The following NCKAP5 variants were observed in gnomAD, a reference collection of about 807,000 sequenced individuals.
NCKAP5 encodes nck-associated protein 5.
NCKAP5 carries 92 observed loss-of-function variants against 167.0 expected under a neutral mutation model. That is an observed-to-expected ratio of 0.55 (90% confidence interval 0.47 to 0.66). The LOEUF is 0.66. Ranked by LOEUF, NCKAP5 falls within the 30% of genes least tolerant of loss-of-function variation. NCKAP5 has a pLI of 0.00. For missense variants in NCKAP5, 2,378 were observed against 2,315.0 expected (o/e 1.03, Z -0.56); for synonymous variants, 891 against 877.4 (o/e 1.02, Z -0.27).
intron 16 of NCKAP5, among the ~76,000 whole-genome samples, chr2:132,768,740 C>A (rs1343589077): frequency 1.3e-5 from 2 of 149,860 alleles, no homozygotes; most frequent in African/African-American, 2.5e-5. Flanking sequence ...CCCAGGTTCA[C>A]GCCATTCTCC....
the NCKAP5 span, among the ~76,000 whole-genome samples, chr2:133,652,618 A>G: frequency 3.9e-5 from 6 of 152,230 alleles, no homozygotes; most frequent in African/African-American, 1.4e-4. Flanking sequence ...TGCTTTATAT[A>G]GCTGTCAAGC....
intron 19 of NCKAP5, among the ~76,000 whole-genome samples, chr2:132,694,560 A>C (rs534136568): frequency 1.7e-4 from 26 of 152,326 alleles, no homozygotes; most frequent in African/African-American, 5.8e-4. Context: ...TAGGCCCAGG[A>C]TTCGATTCCC....
At chr2:132,797,656 T>C (rs1684713656) in intron 11 of NCKAP5, among the ~76,000 whole-genome samples, 1 of 152,224 alleles carries the variant, frequency 6.6e-6, no homozygotes, top group South Asian at 2.1e-4. Flanking sequence ...TTTTTCTCCC[T>C]GGAGAGGCCC....
chr2:133,191,268 A>C (rs1227145765), intron 5 of NCKAP5, among the ~76,000 whole-genome samples: 1 of 152,162 alleles, frequency 6.6e-6, no homozygotes, highest in African/African-American at 2.4e-5. Flanking sequence ...AAAAGTCAGG[A>C]AACAACAGGT....
At chr2:132,806,743 TC>T (rs1168326298) in intron 11 of NCKAP5, among the ~76,000 whole-genome samples, 1 of 152,240 alleles carries the variant, frequency 6.6e-6, no homozygotes, top group Non-Finnish European at 1.5e-5. Flanking sequence ...TGCTGACTGT[TC>T]CTTTTGCTGT....
intron 3 of NCKAP5, among the ~76,000 whole-genome samples, chr2:133,365,611 G>C (rs887861618): frequency 8.6e-5 from 13 of 151,990 alleles, no homozygotes; most frequent in African/African-American, 1.5e-4. Flanking sequence ...TGAAAATAAG[G>C]GTTGTTAATT....
chr2:132,724,641 C>A (rs1305189841), intron 19 of NCKAP5, among the ~76,000 whole-genome samples: 4 of 152,278 alleles, frequency 2.6e-5, no homozygotes, highest in Non-Finnish European at 4.4e-5. Flanking sequence ...AAAGAGCCAA[C>A]AGGGACAACA....
intron 19 of NCKAP5, chr2:132,714,954 G>A (rs1689227080): frequency 6.8e-6 from 3 of 444,440 alleles, no homozygotes; most frequent in Admixed American, 2.6e-5. Flanking sequence ...GTTCACAGAG[G>A]AGCCCACTGT....
chr2:132,983,528 T>C (rs1001475432), intron 7 of NCKAP5, among the ~76,000 whole-genome samples: 10 of 152,318 alleles, frequency 6.6e-5, no homozygotes, highest in Admixed American at 3.9e-4. Context: ...ATGAGGGATA[T>C]TATTGAAAGC....
intron 8 of NCKAP5, chr2:132,931,363 C>A (rs555889182): frequency 6.6e-6 from 1 of 152,374 alleles, no homozygotes; most frequent in South Asian, 2.1e-4. Context: ...CTTCCAATTT[C>A]TGTACGTCAC....
chr2:133,572,040 C>T (rs1688887683), upstream of NCKAP5, among the ~76,000 whole-genome samples: 1 of 151,842 alleles, frequency 6.6e-6, no homozygotes, highest in Non-Finnish European at 1.5e-5. Flanking sequence ...TCTTCACTCA[C>T]CTTTCACAAC....
intron 6 of NCKAP5, among the ~76,000 whole-genome samples, chr2:133,030,367 C>A (rs893411): frequency 0.73 from 111,151 of 152,104 alleles, 42,040 homozygotes; most frequent in East Asian, 0.98. Flanking sequence ...GCAGCCCAGC[C>A]GCCGTGTTTG....
rs757158258 is a variant in NCKAP5 at position 132,969,733 on chromosome 2, C to T, written c.430-5864G>A. Among the ~76,000 whole-genome samples the T allele has an allele frequency of 5.3e-5, 8 of 152,140 alleles. No homozygotes were observed. The South Asian group carries it at 6.2e-4, about 12-fold the overall frequency. On this transcript the variant is annotated intron_variant, in intron 7 of 19. Coordinates refer to ENST00000409261, the MANE Select transcript of NCKAP5 (RefSeq NM_207363.3). ...GGGGTGCAGGTACTGCTGATGTGCTCGTGACAAAGAGAGTTTAAAGCTGCT... is the reference window on the plus strand; with the variant it reads ...GGGGTGCAGGTACTGCTGATGTGCTTGTGACAAAGAGAGTTTAAAGCTGCT...
At chr2:133,393,245 T>G (rs1372882980) in intron 3 of NCKAP5, among the ~76,000 whole-genome samples, 2 of 152,354 alleles carry the variant, frequency 1.3e-5, no homozygotes, top group Middle Eastern at 6.8e-3. Flanking sequence ...AAACTCAGTT[T>G]GACCTTGTCA....
intron 5 of NCKAP5, among the ~76,000 whole-genome samples, chr2:133,207,921 A>G (rs1265401325): frequency 1.6e-4 from 25 of 152,186 alleles, no homozygotes; most frequent in Admixed American, 1.6e-3. Context: ...AGTATGCGCT[A>G]CACATAGTGA....
intron 6 of NCKAP5, among the ~76,000 whole-genome samples, chr2:133,064,288 C>T (rs1414111060): frequency 6.6e-6 from 1 of 152,188 alleles, no homozygotes; most frequent in Non-Finnish European, 1.5e-5. Flanking sequence ...AGAAACAACA[C>T]TGATTATAAC....
the NCKAP5 span, among the ~76,000 whole-genome samples, chr2:133,671,316 CATT>C: frequency 3.3e-5 from 5 of 151,176 alleles, no homozygotes; most frequent in Non-Finnish European, 7.4e-5. Flanking sequence ...GTGGTGGTGG[CATT>C]AGTGCAACAG....
intron 16 of NCKAP5, among the ~76,000 whole-genome samples, chr2:132,753,584 T>A (rs1680291846): frequency 6.6e-6 from 1 of 152,118 alleles, no homozygotes; most frequent in Admixed American, 6.6e-5. Flanking sequence ...TAATGCCCCC[T>A]CTCCCCACAT....
chr2:132,744,635 TA>T (rs74799315), intron 16 of NCKAP5, among the ~76,000 whole-genome samples: 35,450 of 145,214 alleles, frequency 0.24, 4,747 homozygotes, highest in East Asian at 0.59. Flanking sequence ...TTAAGAAAAT[TA>T]AAAAAAAAAA....
Sources: gnomAD v4.1 joint callset for allele counts (sites outside exome capture counted in the v4.1 genomes callset) on GRCh38, gnomAD v4.1.1 for gene constraint, MANE v1.5 for transcripts, NCBI Gene and HGNC (gene_info 2026-07-23, HGNC 2026-07-21) for gene names.